The following RHOD variants were observed in gnomAD, a reference collection of about 807,000 sequenced individuals.
RHOD encodes ras homolog family member D.
A neutral mutation model predicts 16.7 loss-of-function variants in RHOD; 11 were observed. That is an observed-to-expected ratio of 0.66 (90% CI 0.41 to 1.09). RHOD has a LOEUF of 1.09. Ranked by LOEUF, RHOD falls within the 50% of genes least tolerant of loss-of-function variation. The probability of loss-of-function intolerance (pLI) is 0.00; values close to 1 mark genes in which losing one functional copy is unlikely to be tolerated. For missense variants in RHOD, 271 were observed against 291.7 expected (o/e 0.93, Z 0.52); for synonymous variants, 124 against 126.3 (o/e 0.98, Z 0.12).
chr11:67,057,059 G>C (rs1205711620), intron 1 of RHOD, 25 bp downstream of exon 1: 4 of 1,414,160 alleles, frequency 2.8e-6, no homozygotes, highest in East Asian at 3.0e-5. Context: ...CCTCCGCCTC[G>C]CCCGGTTCCG....
At chr11:67,070,202 G>A (rs1196491051) in intron 3 of RHOD, 11 of 631,606 alleles carry the variant, frequency 1.7e-5, no homozygotes, top group Admixed American at 8.4e-5. Context: ...TGTACAGTGG[G>A]ATTGGTTGTG....
At chr11:67,059,571 T>G (rs1854861521) in intron 1 of RHOD, among the ~76,000 whole-genome samples, 1 of 149,500 alleles carries the variant, frequency 6.7e-6, no homozygotes, top group Non-Finnish European at 1.5e-5. Context: ...TATATATATA[T>G]ATGTAATTAA....
At chr11:67,061,830 G>A (rs1030518444) in intron 1 of RHOD, among the ~76,000 whole-genome samples, 1 of 144,424 alleles carries the variant, frequency 6.9e-6, no homozygotes, top group African/African-American at 2.6e-5. Flanking sequence ...ATGTGTGTGT[G>A]TGTGTGTGTG....
rs1555071094 is a variant in RHOD at position 67,061,753 on chromosome 11, A to ATATAT, written c.133-4143_133-4142insTATAT. ...GAGACCCTCTCTAAAAAAAAAAAAA[A>ATATAT]AAATATATATATATATATATATGTG... On this transcript the variant is annotated intron_variant, in intron 1 of 4. Coordinates refer to ENST00000308831, the MANE Select transcript of RHOD (RefSeq NM_014578.4). 3.2e-3 allele frequency among the ~76,000 whole-genome samples: 409 copies of ATATAT among 126,200 alleles called. 4 individuals are homozygous for ATATAT. Among genetic ancestry groups the ATATAT allele is most frequent in the African/African-American group, 0.011 (350 of 32,960 alleles). The allele number at this position is 126,200 out of a possible 152,430, so 82.8% of individuals were successfully genotyped here. A position where few individuals can be genotyped will look rare whatever the true frequency, so the allele number is the denominator to read the frequency against.
At chr11:67,059,350 G>A (rs957251329) in intron 1 of RHOD, among the ~76,000 whole-genome samples, 26 of 152,074 alleles carry the variant, frequency 1.7e-4, no homozygotes, top group Non-Finnish European at 2.9e-4. Context: ...GACCAGCCTG[G>A]CCAACATGGT....
chr11:67,059,532 G>A (rs558279577), intron 1 of RHOD, among the ~76,000 whole-genome samples: 224 of 151,310 alleles, frequency 1.5e-3, no homozygotes, highest in Admixed American at 2.7e-3. Flanking sequence ...ACAACAGAGC[G>A]AGACTCCGTC....
At chr11:67,058,616 C>T (rs74483979) in intron 1 of RHOD, among the ~76,000 whole-genome samples, 1,716 of 152,254 alleles carry the variant, frequency 0.011, 8 homozygotes, top group Middle Eastern at 0.02. Flanking sequence ...TGGCATTCTT[C>T]CTCCTTTTCT....
Position 67,062,904 on chromosome 11 carries a change from G to T in RHOD, c.133-2992G>T, listed in dbSNP as rs1056321272. Among the ~76,000 whole-genome samples, 5 of 152,360 alleles carry T rather than the reference G, an allele frequency of 3.3e-5. No individual in the cohort carries two copies. The South Asian group carries it at 1.0e-3, about 32-fold the overall frequency. ...AGGGCACAGGTTGTGGCAGAGTTTT[G>T]CAAACCCATCTTACAAAAGCTCCCT... On this transcript the variant is annotated intron_variant, in intron 1 of 4. Coordinates refer to ENST00000308831, the MANE Select transcript of RHOD (RefSeq NM_014578.4).
At position 67,065,908 on chromosome 11, in the gene RHOD, ACGG is replaced by A; in HGVS notation, c.146_148del (p.Thr49_Val50delinsMet). Reference sequence around the variant, plus strand: ...TGCTTCTCCTCAGAGCTACACCCCCACGGTGTTTGAGCGGTACATGGTCAACCT... The same window carrying A: ...TGCTTCTCCTCAGAGCTACACCCCCATGTTTGAGCGGTACATGGTCAACCT... On this transcript the variant is annotated inframe_deletion, in exon 2 of 5. Coordinates refer to ENST00000308831, the MANE Select transcript of RHOD (RefSeq NM_014578.4). 1 of 1,603,362 alleles carries A rather than the reference ACGG, an allele frequency of 6.2e-7. No homozygotes were observed. Among genetic ancestry groups the A allele is most frequent in the Non-Finnish European group, 8.5e-7 (1 of 1,173,384 alleles).
At chr11:67,063,201 G>A (rs974909629) in intron 1 of RHOD, among the ~76,000 whole-genome samples, 3 of 151,620 alleles carry the variant, frequency 2.0e-5, no homozygotes, top group Admixed American at 2.0e-4. Flanking sequence ...ACCAGCCTGG[G>A]CAACATAGCA....
chr11:67,066,889 G>A, intron 3 of RHOD, 42 bp downstream of exon 3: 6 of 1,326,916 alleles, frequency 4.5e-6, no homozygotes, highest in Non-Finnish European at 5.4e-6. Context: ...CCATAGCCAG[G>A]CCACTCCACT....
At chr11:67,059,683 A>G (rs189682576) in intron 1 of RHOD, among the ~76,000 whole-genome samples, 284 of 152,306 alleles carry the variant, frequency 1.9e-3, no homozygotes, top group Middle Eastern at 0.014. Flanking sequence ...CTGGGGGCAC[A>G]TGGCCCGGCA....
In RHOD at chr11:67,070,450, G is replaced by T. The variant is rs777994867; in HGVS notation, c.356G>T (p.Cys119Phe). The part of the protein sequence containing the change: ...NRWYPEVNHF[C>F]KKVPIIVVGC... ...TGGTACCCAGAAGTGAATCATTTCT[G>T]CAAGAAGGTACCCATCATCGTCGTG... The change falls in exon 4 of 5, where the codon TGC becomes TTC. Residue 119 changes from cysteine to phenylalanine, a missense_variant. Transcript: ENST00000308831. The T allele has an allele frequency of 1.9e-6, 3 of 1,613,910 alleles. No homozygotes were observed. Among genetic ancestry groups the T allele is most frequent in the South Asian group, 2.2e-5 (2 of 91,070 alleles).
chr11:67,070,627 T>A (rs1445510953), intron 4 of RHOD, 68 bp downstream of exon 4: 33 of 1,586,762 alleles, frequency 2.1e-5, no homozygotes, highest in Non-Finnish European at 2.1e-5. Flanking sequence ...TGCCTCTCAG[T>A]GGCACCAGGT....
Position 67,070,541 on chromosome 11 carries a change from G to A in RHOD, c.447G>A (p.Glu149=). ...ACAAGCTCCGAAGAAACGGATTGGAGCCTGTGACCTACCACAGGGTAGGAA... is the reference window on the plus strand; with the variant it reads ...ACAAGCTCCGAAGAAACGGATTGGAACCTGTGACCTACCACAGGGTAGGAA... ...LVNKLRRNGL[E]PVTYHRGQEM... is the part of the protein sequence containing the mutation. The change falls in exon 4 of 5, where the codon GAG becomes GAA. Residue 149 remains glutamate (E), a synonymous_variant. Coordinates refer to ENST00000308831, the MANE Select transcript of RHOD (RefSeq NM_014578.4). 1 of 1,614,138 alleles carries A rather than the reference G, an allele frequency of 6.2e-7. No individual in the cohort carries two copies. The highest frequency in any genetic ancestry group is 1.3e-5 in the African/African-American group (1 of 75,050).
In RHOD at chr11:67,071,732, C is replaced by T; in HGVS notation, c.*130C>T. Reference sequence around the variant, plus strand: ...TGCAACAGACGGGCGCCACCAAAGCCAGGCCCTGAGGCCTGGGAGTCCTGG... The same window carrying T: ...TGCAACAGACGGGCGCCACCAAAGCTAGGCCCTGAGGCCTGGGAGTCCTGG... On this transcript the variant is annotated 3_prime_UTR_variant, in exon 5 of 5. Coordinates refer to ENST00000308831, the MANE Select transcript of RHOD (RefSeq NM_014578.4). 1 of 1,012,802 alleles carries T rather than the reference C, an allele frequency of 9.9e-7. No individual in the cohort carries two copies. Among genetic ancestry groups the T allele is most frequent in the Non-Finnish European group, 1.4e-6 (1 of 715,902 alleles). 62.7% of individuals were successfully genotyped at this position (1,012,802 alleles called of 1,614,324 possible). A position where few individuals can be genotyped will look rare whatever the true frequency, so the allele number is the denominator to read the frequency against.
chr11:67,060,744 C>T (rs1290785869), intron 1 of RHOD, among the ~76,000 whole-genome samples: 1 of 152,242 alleles, frequency 6.6e-6, no homozygotes, highest in Non-Finnish European at 1.5e-5. Context: ...TGCCAGTACA[C>T]AGCCACACAC....
intron 2 of RHOD, 120 bp from the exon 3 acceptor site, chr11:67,066,618 G>A: frequency 1.4e-6 from 1 of 738,698 alleles, no homozygotes; most frequent in Non-Finnish European, 2.4e-6. Context: ...AAACTCTGAG[G>A]CAAAAAACTA....
intron 1 of RHOD, among the ~76,000 whole-genome samples, chr11:67,057,949 G>A (rs1462981090): frequency 2.0e-5 from 3 of 152,204 alleles, no homozygotes; most frequent in Non-Finnish European, 4.4e-5. Context: ...TCTCAGCCCT[G>A]TTGTCCTGGG....
Sources: allele counts gnomAD v4.1 joint callset (sites outside exome capture counted in the v4.1 genomes callset), GRCh38; gene constraint gnomAD v4.1.1; transcripts MANE v1.5; gene names NCBI Gene and HGNC (gene_info 2026-07-23, HGNC 2026-07-21).